Variants in ST18 observed in about 807,000 individuals in gnomAD.
The protein encoded by ST18 is ST18 C2H2C-type zinc finger transcription factor.
ST18 carries 50 observed loss-of-function variants against 110.0 expected under a neutral mutation model. The observed-to-expected ratio is 0.45, with a 90% CI of 0.36 to 0.58. The LOEUF (loss-of-function observed/expected upper bound fraction) is 0.58, where lower values mean the gene tolerates loss of function less well. ST18 is among the 20% of genes least tolerant of loss of function. The pLI, the probability that ST18 is intolerant of heterozygous loss-of-function variation, is 0.00. For missense variants in ST18, 1,306 were observed against 1,280.1 expected, an observed-to-expected ratio of 1.02 and a Z score of -0.31; for synonymous variants, 461 against 452.4, an observed-to-expected ratio of 1.02 and a Z score of -0.24.
intron 8 of ST18, among the ~76,000 whole-genome samples, chr8:52,181,868 C>T (rs2069754485): frequency 6.6e-6 from 1 of 152,072 alleles, no homozygotes; most frequent in Non-Finnish European, 1.5e-5. Context: ...TCAAAGGAGA[C>T]TGGCTTTGAG....
At chr8:52,238,742 A>G (rs1589115664) in intron 2 of ST18, among the ~76,000 whole-genome samples, 4 of 151,930 alleles carry the variant, frequency 2.6e-5, no homozygotes, top group African/African-American at 2.4e-5. Flanking sequence ...CCATTATCTT[A>G]AGGGAAATAA....
At chr8:52,351,394 T>C (rs1308052326) in intron 2 of ST18, among the ~76,000 whole-genome samples, 1 of 152,184 alleles carries the variant, frequency 6.6e-6, no homozygotes, top group Non-Finnish European at 1.5e-5. Flanking sequence ...CACCAATTAT[T>C]CCTCACTATC....
intron 10 of ST18, among the ~76,000 whole-genome samples, chr8:52,169,219 T>G (rs2063984067): frequency 6.6e-6 from 1 of 152,198 alleles, no homozygotes; most frequent in Admixed American, 6.5e-5. Flanking sequence ...AAGCCAGAGC[T>G]TGAGCCTGGG....
intron 2 of ST18, among the ~76,000 whole-genome samples, chr8:52,359,992 G>T (rs935171868): frequency 6.6e-6 from 1 of 152,100 alleles, no homozygotes; most frequent in Admixed American, 6.5e-5. Context: ...TGTGAACCAT[G>T]AAATCACAAG....
chr8:52,340,585 C>A (rs985246804), intron 2 of ST18, among the ~76,000 whole-genome samples: 3 of 152,152 alleles, frequency 2.0e-5, no homozygotes, highest in Admixed American at 1.3e-4. Flanking sequence ...TTCATTTGTA[C>A]CTCAGTGCAG....
intron 15 of ST18, among the ~76,000 whole-genome samples, chr8:52,151,204 A>C (rs1388596782): frequency 6.6e-6 from 1 of 151,436 alleles, no homozygotes; most frequent in Non-Finnish European, 1.5e-5. Context: ...CCCCACTCCC[A>C]ACCCCCAAAC....
At chr8:52,401,954 C>T (rs917577458) in intron 2 of ST18, among the ~76,000 whole-genome samples, 2 of 152,114 alleles carry the variant, frequency 1.3e-5, no homozygotes, top group African/African-American at 2.4e-5. Context: ...GAAAGACTTT[C>T]GCCTGTAGAT....
At chr8:52,353,495 T>C (rs1402776078) in intron 2 of ST18, among the ~76,000 whole-genome samples, 1 of 152,200 alleles carries the variant, frequency 6.6e-6, no homozygotes, top group Admixed American at 6.5e-5. Context: ...AGAAAGTTTC[T>C]TGTCTAAATA....
chr8:52,388,039 A>C (rs1837593403), intron 2 of ST18, among the ~76,000 whole-genome samples: 1 of 144,866 alleles, frequency 6.9e-6, no homozygotes, highest in Non-Finnish European at 1.5e-5. Context: ...CTATGTTTGC[A>C]GGGGAGAGAG....
At chr8:52,212,874 C>T (rs983638235) in intron 7 of ST18, among the ~76,000 whole-genome samples, 3 of 152,156 alleles carry the variant, frequency 2.0e-5, no homozygotes, top group African/African-American at 7.2e-5. Context: ...AAAAAACCCA[C>T]ATTTTAAAAG....
At chr8:52,345,886 G>A (rs1183257170) in intron 2 of ST18, among the ~76,000 whole-genome samples, 1 of 152,076 alleles carries the variant, frequency 6.6e-6, no homozygotes, top group Non-Finnish European at 1.5e-5. Flanking sequence ...ACTCAAAGGA[G>A]AGATACAGAA....
In ST18 at chr8:52,111,100, A is replaced by ACAT. The variant is rs2129783574; in HGVS notation, c.*2095_*2097dup. 1 of 397,380 alleles carries ACAT rather than the reference A, an allele frequency of 2.5e-6. No homozygotes were observed. The highest frequency in any genetic ancestry group is 2.1e-5 in the African/African-American group (1 of 48,718). The allele number at this position is 397,380 out of a possible 1,614,324, so 24.6% of individuals were successfully genotyped here. On this transcript the variant is annotated 3_prime_UTR_variant, in exon 26 of 26. Transcript: ENST00000689386. ...GTACAAAGTAGGCAAATAAATACAA[A>ACAT]CATACTTCACAAAACATCCTGCTCA...
chr8:52,246,307 C>T (rs1280897080), intron 2 of ST18, among the ~76,000 whole-genome samples: 1 of 151,820 alleles, frequency 6.6e-6, no homozygotes, highest in African/African-American at 2.4e-5. Context: ...AGCCAAAAAA[C>T]TTATGAAATA....
In ST18 at chr8:52,133,096, A is replaced by G. The variant is rs770269660; in HGVS notation, c.2405T>C (p.Met802Thr). 48 of 1,613,996 alleles carry G rather than the reference A, an allele frequency of 3.0e-5. No homozygotes were observed. The highest frequency in any genetic ancestry group is 3.7e-5 in the Non-Finnish European group (44 of 1,180,032). Reference sequence around the variant, plus strand: ...TTCTTTTTCTTCCTTGGTAGGGGTCATTTTGACACCACCTTTCCTTGCACG... The same window carrying G: ...TTCTTTTTCTTCCTTGGTAGGGGTCGTTTTGACACCACCTTTCCTTGCACG... ...CPRARKGGVK[M>T]TPTKEEKEDP... is the part of the protein sequence containing the mutation. Residue 802 changes from methionine (M) to threonine (T), a missense_variant, in exon 21 of 26, where the codon ATG becomes ACG. Transcript: ENST00000689386.
chr8:52,143,145 C>A (rs1586836654), intron 16 of ST18, 100 bp from the exon 17 acceptor site: 1 of 761,766 alleles, frequency 1.3e-6, no homozygotes, highest in African/African-American at 1.8e-5. Flanking sequence ...TGAGTTTTGG[C>A]TTTGGACTTG....
At chr8:52,365,707 G>A (rs1827627274) in intron 2 of ST18, among the ~76,000 whole-genome samples, 1 of 151,464 alleles carries the variant, frequency 6.6e-6, no homozygotes, top group Admixed American at 6.6e-5. Flanking sequence ...GGGGGGTGGG[G>A]GGTTTCTGAG....
rs187583940 is a variant in ST18 at position 52,306,654 on chromosome 8, G to A, written c.-464-76577C>T. On this transcript the variant is annotated intron_variant, in intron 2 of 25. Coordinates refer to ENST00000689386, the MANE Select transcript of ST18 (RefSeq NM_001352837.2). ...AGAACAAAGTATAATAGCAGAAAAA[G>A]AGTCAGGACACTTGCTGGAATGTGG... 1.6e-3 allele frequency among the ~76,000 whole-genome samples: 237 copies of A among 152,284 alleles called. 1 individual carries two copies. The highest frequency in any genetic ancestry group is 5.5e-3 in the African/African-American group (229 of 41,548).
At chr8:52,153,455 C>G (rs1314331110) in intron 15 of ST18, among the ~76,000 whole-genome samples, 2 of 152,036 alleles carry the variant, frequency 1.3e-5, no homozygotes, top group Admixed American at 6.6e-5. Context: ...ATACTGAAAG[C>G]TATGTTAAAT....
intron 2 of ST18, among the ~76,000 whole-genome samples, chr8:52,396,710 C>T (rs963199116): frequency 1.3e-5 from 2 of 152,142 alleles, no homozygotes; most frequent in African/African-American, 4.8e-5. Context: ...TGAGAATTCA[C>T]TCACTCATGA....
Sources: gnomAD v4.1 joint callset for allele counts (sites outside exome capture counted in the v4.1 genomes callset) on GRCh38, gnomAD v4.1.1 for gene constraint, MANE v1.5 for transcripts, NCBI Gene and HGNC (gene_info 2026-07-23, HGNC 2026-07-21) for gene names.